Variants in GPAT3 observed in about 807,000 individuals in gnomAD.
GPAT3 encodes the protein glycerol-3-phosphate acyltransferase 3, also known as 1-AGP acyltransferase 9.
A neutral mutation model predicts 58.8 loss-of-function variants in GPAT3; 53 were observed. The observed-to-expected ratio is 0.90, with a 90% confidence interval of 0.72 to 1.13. GPAT3 has a LOEUF of 1.13. Among genes scored for constraint, GPAT3 ranks in the 50% most tolerant of loss-of-function variants. The pLI is 0.00. For missense variants in GPAT3, 511 were observed against 527.6 expected, an observed-to-expected ratio of 0.97 and a Z score of 0.31; for synonymous variants, 197 against 187.4, an observed-to-expected ratio of 1.05 and a Z score of -0.42.
intron 2 of GPAT3, among the ~76,000 whole-genome samples, chr4:83,566,354 G>T (rs1244963109): frequency 1.3e-5 from 2 of 151,732 alleles, no homozygotes; most frequent in South Asian, 2.1e-4. Flanking sequence ...TTGTTTTAGT[G>T]TCTGGTAGAA....
intron 2 of GPAT3, among the ~76,000 whole-genome samples, chr4:83,575,970 T>A (rs1044764816): frequency 1.3e-5 from 2 of 152,262 alleles, no homozygotes; most frequent in African/African-American, 4.8e-5. Context: ...TTGGAACTAC[T>A]ACTCTGACTT....
chr4:83,562,405 A>C (rs1402037024), intron 2 of GPAT3, among the ~76,000 whole-genome samples: 1 of 151,154 alleles, frequency 6.6e-6, no homozygotes, highest in Non-Finnish European at 1.5e-5. Context: ...CAAAGTTTTG[A>C]AAAGATGAAT....
chr4:83,562,219 A>AT (rs3972372), intron 2 of GPAT3, among the ~76,000 whole-genome samples: 2 of 80,590 alleles, frequency 2.5e-5, no homozygotes, highest in African/African-American at 1.2e-4. Context: ...TATTATATAT[A>AT]TATATAATAT....
At chr4:83,591,221 G>A (rs931923518) in intron 6 of GPAT3, among the ~76,000 whole-genome samples, 8 of 152,146 alleles carry the variant, frequency 5.3e-5, no homozygotes, top group Admixed American at 3.3e-4. Context: ...GTCGCTGCAA[G>A]TAGGAAGGTG....
chr4:83,597,177 A>C (rs1726874736), intron 8 of GPAT3, among the ~76,000 whole-genome samples: 1 of 152,140 alleles, frequency 6.6e-6, no homozygotes, highest in Admixed American at 6.5e-5. Flanking sequence ...ATGTATTGAA[A>C]TTTCACCTGT....
In GPAT3 at chr4:83,594,979, C is replaced by A; in HGVS notation, c.854+19C>A. On this transcript the variant is annotated intron_variant, in intron 7 of 11. Transcript: ENST00000264409. ...CTAAGAGGTAAGCAGTGAAATTACTCAGCATTCACTGGAGTAGCATAAAAG... is the reference window on the plus strand; with the variant it reads ...CTAAGAGGTAAGCAGTGAAATTACTAAGCATTCACTGGAGTAGCATAAAAG... The A allele has an allele frequency of 6.3e-7, 1 of 1,599,746 alleles. No homozygotes were observed. Among genetic ancestry groups the A allele is most frequent in the Non-Finnish European group, 8.6e-7 (1 of 1,167,192 alleles).
chr4:83,558,011 G>A (rs896940955), intron 2 of GPAT3, among the ~76,000 whole-genome samples: 2 of 152,066 alleles, frequency 1.3e-5, no homozygotes, highest in Admixed American at 1.3e-4. Context: ...TCAGGAGTTC[G>A]AGACCAGCCT....
intron 2 of GPAT3, 58 bp downstream of exon 2, chr4:83,544,660 T>A: frequency 3.3e-6 from 5 of 1,497,582 alleles, no homozygotes; most frequent in Non-Finnish European, 4.6e-6. Flanking sequence ...GATGTAAACC[T>A]ACCCAATTTG....
chr4:83,597,298 G>C (rs911430083), intron 8 of GPAT3, 132 bp from the exon 9 acceptor site: 30 of 530,488 alleles, frequency 5.7e-5, no homozygotes, highest in East Asian at 3.7e-4. Context: ...GGGTTCGTTT[G>C]TGATATGGTA....
chr4:83,551,745 T>C (rs1724757623), intron 2 of GPAT3, among the ~76,000 whole-genome samples: 3 of 146,714 alleles, frequency 2.0e-5, no homozygotes, highest in South Asian at 2.2e-4. Context: ...TGAGCCGAGA[T>C]TGCACCACTG....
chr4:83,577,788 C>CTTTTT lies in GPAT3; in HGVS notation c.209-3752_209-3748dup, dbSNP rs1185047521. Among the ~76,000 whole-genome samples, 34 of 66,714 alleles carry CTTTTT rather than the reference C, an allele frequency of 5.1e-4. 6 individuals carry two copies. The highest frequency in any genetic ancestry group is 7.5e-4 in the Non-Finnish European group (25 of 33,224). The allele number at this position is 66,714 out of a possible 152,430, so 43.8% of individuals were successfully genotyped here. A position where few individuals can be genotyped will look rare whatever the true frequency, so the allele number is the denominator to read the frequency against. On this transcript the variant is annotated intron_variant, in intron 2 of 11. Transcript: ENST00000264409. ...GGTATGAAGGAGTATGTCATTGTGG[C>CTTTTT]TTTTTTTTTTTTTTTTTTTTTTTTT...
chr4:83,569,410 A>G (rs1246853122), intron 2 of GPAT3, among the ~76,000 whole-genome samples: 1 of 152,202 alleles, frequency 6.6e-6, no homozygotes, highest in Non-Finnish European at 1.5e-5. Flanking sequence ...AAGAGAGACC[A>G]TTTTCTATAA....
rs768699869 is a variant in GPAT3 at position 83,581,621 on chromosome 4, G to A, written c.268G>A (p.Asp90Asn). 2 of 1,614,034 alleles carry A rather than the reference G, an allele frequency of 1.2e-6. No homozygotes were observed. Among genetic ancestry groups the A allele is most frequent in the Non-Finnish European group, 1.7e-6 (2 of 1,180,036 alleles). The change falls in exon 3 of 12, where the codon GAC becomes AAC. Residue 90 changes from aspartate to asparagine, a missense_variant. By Grantham distance (23) the Asp-to-Asn change is conservative (BLOSUM62 1). Coordinates refer to ENST00000264409, the MANE Select transcript of GPAT3 (RefSeq NM_032717.5). ...EKGLSGLRGR[D>N]FELSDVFYFS... ...AGGGCTCTCTGGTCTACGAGGAAGGGACTTTGAGCTGTCTGACGTGTTTTA... is the reference window on the plus strand; with the variant it reads ...AGGGCTCTCTGGTCTACGAGGAAGGAACTTTGAGCTGTCTGACGTGTTTTA...
At chr4:83,586,201 C>T (rs1397842781) in intron 3 of GPAT3, among the ~76,000 whole-genome samples, 1 of 152,118 alleles carries the variant, frequency 6.6e-6, no homozygotes, top group Non-Finnish European at 1.5e-5. Flanking sequence ...AATGTGAAAC[C>T]TGGGATTGGT....
chr4:83,561,895 C>T (rs1387948170), intron 2 of GPAT3, among the ~76,000 whole-genome samples: 1 of 150,018 alleles, frequency 6.7e-6, no homozygotes, highest in Non-Finnish European at 1.5e-5. Flanking sequence ...TAGTACAAGC[C>T]TGATTTAATT....
upstream of GPAT3, chr4:83,535,602 G>A (rs1724047594): frequency 1.4e-5 from 9 of 624,730 alleles, no homozygotes; most frequent in Admixed American, 6.3e-5. Context: ...TCTTCCCCCA[G>A]AAAGGGAGTG....
intron 1 of GPAT3, among the ~76,000 whole-genome samples, chr4:83,539,442 A>G (rs1458132616): frequency 6.6e-6 from 1 of 152,178 alleles, no homozygotes; most frequent in African/African-American, 2.4e-5. Flanking sequence ...TGTCTATTAT[A>G]TGTTTACTTT....
At chr4:83,536,888 A>G (rs566757848) in intron 1 of GPAT3, 125 bp downstream of exon 1, 3 of 869,480 alleles carry the variant, frequency 3.5e-6, no homozygotes, top group South Asian at 1.8e-5. Flanking sequence ...GCGTGCGTGC[A>G]TTTCTGTTCC....
rs1015972402 is a variant in GPAT3 at position 83,536,216 on chromosome 4, C to A, written c.-407C>A. 6.0e-6 allele frequency: 6 copies of A among 992,358 alleles called. No homozygotes were observed. Among genetic ancestry groups the A allele is most frequent in the Non-Finnish European group, 7.2e-6 (6 of 834,672 alleles). The allele number at this position is 992,358 out of a possible 1,614,324, so 61.5% of individuals were successfully genotyped here. A position where few individuals can be genotyped will look rare whatever the true frequency, so the allele number is the denominator to read the frequency against. On this transcript the variant is annotated 5_prime_UTR_variant, in exon 1 of 12. In the 5' UTR this introduces an upstream ATG that the reference lacks. Transcript: ENST00000264409. ...CTCGGGGAGGGCCTCCGTGAGTCAT[C>A]TGCTGAGTTGTCGCAATCGCCACCC... is the stretch of plus-strand genomic sequence containing the variant.
Sources: allele counts gnomAD v4.1 joint callset (sites outside exome capture counted in the v4.1 genomes callset), GRCh38; gene constraint gnomAD v4.1.1; transcripts MANE v1.5; gene names NCBI Gene and HGNC (gene_info 2026-07-23, HGNC 2026-07-21).